The following SLC9A7 variants were observed in gnomAD, a reference collection of about 807,000 sequenced individuals.
SLC9A7 encodes sodium/hydrogen exchanger 7.
In SLC9A7, 19 loss-of-function variants were observed where a neutral mutation model predicts 52.6. The observed-to-expected ratio is 0.36, with a 90% confidence interval of 0.25 to 0.53. The LOEUF (loss-of-function observed/expected upper bound fraction) is 0.53, where lower values mean the gene tolerates loss of function less well. SLC9A7 is among the 20% of genes least tolerant of loss of function. The pLI is 0.91. For missense variants in SLC9A7, 455 were observed against 597.9 expected (o/e 0.76, Z 2.49); for synonymous variants, 226 against 252.1 (o/e 0.90, Z 0.98).
intron 15 of SLC9A7, among the ~76,000 whole-genome samples, chrX:46,617,963 T>G (rs1192380780): frequency 3.6e-5 from 4 of 111,536 alleles, no homozygotes; most frequent in African/African-American, 1.3e-4. Flanking sequence ...ACCTTTCCAC[T>G]GAGAACAACT....
chrX:46,693,206 T>C (rs1308857747), intron 1 of SLC9A7, among the ~76,000 whole-genome samples: 1 of 111,863 alleles, frequency 8.9e-6, no homozygotes, highest in Non-Finnish European at 1.9e-5. Flanking sequence ...GCAATTCCTA[T>C]CAAAATTCCA....
At chrX:46,671,478 C>T (rs1343758626) in intron 4 of SLC9A7, among the ~76,000 whole-genome samples, 1 of 108,739 alleles carries the variant, frequency 9.2e-6, no homozygotes, top group Non-Finnish European at 1.9e-5. Flanking sequence ...ACCATGTTAG[C>T]CAGGATGGTC....
intron 7 of SLC9A7, 97 bp from the exon 8 acceptor site, chrX:46,653,811 C>A: frequency 1.8e-6 from 1 of 561,866 alleles, no homozygotes; most frequent in Non-Finnish European, 2.8e-6. Flanking sequence ...AAAGGGCTAG[C>A]CTTTCCCTTC....
chrX:46,655,468 T>A (rs1473518297), intron 7 of SLC9A7, among the ~76,000 whole-genome samples: 1 of 111,771 alleles, frequency 8.9e-6, no homozygotes, highest in Non-Finnish European at 1.9e-5. Flanking sequence ...ACCGGGTTCA[T>A]CTCACTAGGG....
At chrX:46,655,274 C>G (rs1488740593) in intron 7 of SLC9A7, among the ~76,000 whole-genome samples, 2 of 111,593 alleles carry the variant, frequency 1.8e-5, no homozygotes, top group African/African-American at 6.5e-5. Flanking sequence ...TGTGAGCCAC[C>G]ACGCCCAGCA....
chrX:46,607,843 A>C (rs1489696423), intron 16 of SLC9A7, among the ~76,000 whole-genome samples: 2 of 111,464 alleles, frequency 1.8e-5, no homozygotes, highest in African/African-American at 3.3e-5. Context: ...CGGAGACGGC[A>C]CGAGGTCAGA....
chrX:46,696,892 A>G (rs1944456647), intron 1 of SLC9A7, among the ~76,000 whole-genome samples: 3 of 112,150 alleles, frequency 2.7e-5, no homozygotes, highest in Non-Finnish European at 5.6e-5. Flanking sequence ...ACTTTGCCCA[A>G]GGTTACACAT....
At chrX:46,758,466 G>A (rs1315508652) in intron 1 of SLC9A7, among the ~76,000 whole-genome samples, 1 of 111,926 alleles carries the variant, frequency 8.9e-6, no homozygotes, top group Non-Finnish European at 1.9e-5. Flanking sequence ...GACCACCTCT[G>A]TCCCTTTCAT....
intron 1 of SLC9A7, among the ~76,000 whole-genome samples, chrX:46,743,990 T>C (rs763748628): frequency 8.9e-6 from 1 of 112,519 alleles, no homozygotes; most frequent in African/African-American, 3.2e-5. Flanking sequence ...TCTCTCTTAC[T>C]TATAAGAAAT....
At chrX:46,757,143 T>G (rs1922728567) in intron 1 of SLC9A7, among the ~76,000 whole-genome samples, 1 of 111,926 alleles carries the variant, frequency 8.9e-6, no homozygotes, top group African/African-American at 3.3e-5. Context: ...CATCATGGCT[T>G]GGAGTCAATC....
At chrX:46,661,154 T>C in intron 7 of SLC9A7, among the ~76,000 whole-genome samples, 1 of 105,848 alleles carries the variant, frequency 9.4e-6, no homozygotes, top group Non-Finnish European at 1.9e-5. Context: ...TTCTCACTCA[T>C]AGGTGGGAAT....
At chrX:46,658,521 T>TA (rs753446303) in intron 7 of SLC9A7, among the ~76,000 whole-genome samples, 2,332 of 109,525 alleles carry the variant, frequency 0.021, 74 homozygotes, top group East Asian at 0.17. Flanking sequence ...ATAGACGCAA[T>TA]AAAAAATGAT....
intron 8 of SLC9A7, 52 bp from the exon 9 acceptor site, chrX:46,651,456 A>T: frequency 1.2e-6 from 1 of 859,997 alleles, no homozygotes; most frequent in Non-Finnish European, 1.6e-6. Flanking sequence ...GAGGCAGGGG[A>T]AAAAAAAAAC....
At chrX:46,731,280 T>C (rs1161666852) in intron 1 of SLC9A7, among the ~76,000 whole-genome samples, 6 of 106,703 alleles carry the variant, frequency 5.6e-5, no homozygotes, top group Admixed American at 1.0e-4. Flanking sequence ...TTTCTAATGA[T>C]AAGGTCCAGG....
chrX:46,618,682 G>A lies in SLC9A7; in HGVS notation c.1823+2295C>T, dbSNP rs970385532. On this transcript the variant is annotated intron_variant, in intron 15 of 16. Transcript: ENST00000616978. ...AGTGAGGCTGGGTATGGTGGCTCAC[G>A]CCTGTAATCCCAGCACTTTGGGAGG... 5.3e-5 allele frequency among the ~76,000 whole-genome samples: 6 copies of A among 112,190 alleles called. No homozygotes were observed. The Admixed American group carries it at 5.6e-4, about 11-fold the overall frequency.
intron 3 of SLC9A7, among the ~76,000 whole-genome samples, chrX:46,677,223 G>A (rs992478888): frequency 8.9e-6 from 1 of 111,957 alleles, no homozygotes; most frequent in African/African-American, 3.2e-5. Flanking sequence ...AATTGTTCTT[G>A]CTCCTCTAGC....
At chrX:46,655,620 TG>T (rs1435826831) in intron 7 of SLC9A7, among the ~76,000 whole-genome samples, 1 of 112,146 alleles carries the variant, frequency 8.9e-6, no homozygotes, top group Non-Finnish European at 1.9e-5. Context: ...AGACGGCACC[TG>T]GAAAATCGGG....
intron 1 of SLC9A7, among the ~76,000 whole-genome samples, chrX:46,723,314 A>AAAAG (rs1183674987): frequency 1.7e-4 from 18 of 107,944 alleles, no homozygotes; most frequent in South Asian, 1.6e-3. Flanking sequence ...AAAAAAAAAA[A>AAAAG]AAAGAAAGAA....
chrX:46,722,903 T>C (rs1944882102), intron 1 of SLC9A7, among the ~76,000 whole-genome samples: 1 of 112,167 alleles, frequency 8.9e-6, no homozygotes. Flanking sequence ...GAGTGGGATG[T>C]GTCACACTTC....
Sources: gnomAD v4.1 joint callset for allele counts (sites outside exome capture counted in the v4.1 genomes callset) on GRCh38, gnomAD v4.1.1 for gene constraint, MANE v1.5 for transcripts, NCBI Gene and HGNC (gene_info 2026-07-23, HGNC 2026-07-21) for gene names.